FDFT1: variants seen among roughly 807,000 people sequenced by gnomAD.
FDFT1 encodes squalene synthase.
Under a neutral mutation model 46.8 loss-of-function variants are expected in FDFT1, and 68 were observed. That is an observed-to-expected ratio of 1.45 (90% confidence interval 1.19 to 1.78). FDFT1 has a LOEUF of 1.78. FDFT1 is among the 40% of genes most tolerant of loss of function. The probability of loss-of-function intolerance (pLI) is 0.00; values close to 1 mark genes in which losing one functional copy is unlikely to be tolerated. For missense variants in FDFT1, 928 were observed against 524.4 expected (o/e 1.77, Z -7.52); for synonymous variants, 351 against 185.1 (o/e 1.90, Z -7.28).
Position 11,808,814 on chromosome 8 carries a change from G to C in FDFT1, c.120G>C (p.Leu40=), listed in dbSNP as rs771269515. The change falls in exon 2 of 8, where the codon CTG becomes CTC. Residue 40 remains leucine (L), a synonymous_variant. Transcript: ENST00000220584. Reference sequence around the variant, plus strand: ...CGCAGGACTCGCTCAGCAGCAGCCTGAAAACTTGCTACAAGTATCTCAATC... The same window carrying C: ...CGCAGGACTCGCTCAGCAGCAGCCTCAAAACTTGCTACAAGTATCTCAATC... ...KMDQDSLSSS[L]KTCYKYLNQT... is the part of the protein sequence containing the mutation. 1 of 1,613,646 alleles carries C rather than the reference G, an allele frequency of 6.2e-7. No individual in the cohort carries two copies. The highest frequency in any genetic ancestry group is 1.3e-5 in the African/African-American group (1 of 74,934).
chr8:11,797,537 T>TAAAG (rs59718801), upstream of FDFT1, among the ~76,000 whole-genome samples: 146,730 of 151,376 alleles, frequency 0.97, 71,236 homozygotes, highest in Middle Eastern at 1. Context: ...AAAGAACAGA[T>TAAAG]AATCACAGCT....
intron 3 of FDFT1, among the ~76,000 whole-genome samples, chr8:11,811,768 A>G (rs1018590415): frequency 1.3e-5 from 2 of 152,240 alleles, no homozygotes; most frequent in Non-Finnish European, 2.9e-5. Flanking sequence ...GGCTGTTTTC[A>G]CTGTTGTTCA....
chr8:11,818,426 T>G (rs1350197219), intron 3 of FDFT1, among the ~76,000 whole-genome samples: 2 of 152,166 alleles, frequency 1.3e-5, no homozygotes, highest in African/African-American at 4.8e-5. Flanking sequence ...TGTTAACCTT[T>G]TGTCTTGTTG....
chr8:11,796,163 C>G (rs139562963), intron 1 of FDFT1, among the ~76,000 whole-genome samples: 1 of 152,206 alleles, frequency 6.6e-6, no homozygotes, highest in Admixed American at 6.5e-5. Flanking sequence ...CAATACAAGG[C>G]TAAACAAAAT....
chr8:11,820,572 A>G (rs187111576), intron 3 of FDFT1, among the ~76,000 whole-genome samples: 12 of 152,296 alleles, frequency 7.9e-5, no homozygotes, highest in Admixed American at 2.0e-4. Flanking sequence ...AGCCTCAGCA[A>G]TGGCGGGGAG....
intron 2 of FDFT1, 133 bp downstream of exon 2, chr8:11,809,024 G>A: frequency 7.2e-7 from 1 of 1,388,958 alleles, no homozygotes; most frequent in South Asian, 1.4e-5. Context: ...AACATAGCCC[G>A]GCCCTACGTG....
At chr8:11,812,392 C>G (rs975542265) in intron 3 of FDFT1, among the ~76,000 whole-genome samples, 1 of 152,144 alleles carries the variant, frequency 6.6e-6, no homozygotes, top group Non-Finnish European at 1.5e-5. Context: ...TGGATGGATC[C>G]TGGCACCGAG....
At chr8:11,832,626 G>C (rs1423389098) in intron 7 of FDFT1, among the ~76,000 whole-genome samples, 1 of 142,474 alleles carries the variant, frequency 7.0e-6, no homozygotes, top group African/African-American at 2.5e-5. Flanking sequence ...CTAGGCCCTA[G>C]AGCAGTGGTT....
At chr8:11,835,007 C>A (rs1399711381) in intron 7 of FDFT1, among the ~76,000 whole-genome samples, 1 of 152,112 alleles carries the variant, frequency 6.6e-6, no homozygotes, top group Non-Finnish European at 1.5e-5. Flanking sequence ...ACTTGTCATC[C>A]CAGCTATTCC....
chr8:11,818,620 C>T (rs1808794620), intron 3 of FDFT1, among the ~76,000 whole-genome samples: 1 of 151,794 alleles, frequency 6.6e-6, no homozygotes, highest in South Asian at 2.1e-4. Flanking sequence ...ATGTAGTGGC[C>T]TTCTTTGTCT....
chr8:11,837,617 C>T (rs567534713), intron 7 of FDFT1, among the ~76,000 whole-genome samples: 1 of 152,164 alleles, frequency 6.6e-6, no homozygotes, highest in East Asian at 1.9e-4. Flanking sequence ...CCATGGGTGG[C>T]CTTGCGCTAC....
intron 5 of FDFT1, among the ~76,000 whole-genome samples, chr8:11,827,135 G>A (rs1173392206): frequency 6.6e-6 from 1 of 152,242 alleles, no homozygotes; most frequent in South Asian, 2.1e-4. Flanking sequence ...TTTACCTTTT[G>A]CTTTCCATAA....
intron 3 of FDFT1, among the ~76,000 whole-genome samples, chr8:11,812,236 T>C (rs1563307734): frequency 6.6e-6 from 1 of 152,082 alleles, no homozygotes; most frequent in Non-Finnish European, 1.5e-5. Flanking sequence ...ACATCTGGAG[T>C]TCCTTGCCCC....
At chr8:11,819,602 G>C (rs1049070538) in intron 3 of FDFT1, among the ~76,000 whole-genome samples, 1 of 150,914 alleles carries the variant, frequency 6.6e-6, no homozygotes, top group Admixed American at 6.6e-5. Context: ...TTTGATCTTC[G>C]ATCACTGATA....
intron 3 of FDFT1, among the ~76,000 whole-genome samples, chr8:11,820,840 C>T (rs867074100): frequency 1.3e-5 from 2 of 152,234 alleles, no homozygotes; most frequent in South Asian, 2.1e-4. Flanking sequence ...AGGTGACGTC[C>T]TGCCCTGCTT....
Position 11,835,352 on chromosome 8 carries a change from G to A in FDFT1, c.1033-3036G>A, listed in dbSNP as rs548031776. 8.9e-4 allele frequency among the ~76,000 whole-genome samples: 136 copies of A among 152,314 alleles called. 1 individual carries two copies. The highest frequency in any genetic ancestry group is 2.7e-3 in the African/African-American group (111 of 41,564). On this transcript the variant is annotated intron_variant, in intron 7 of 7. Transcript: ENST00000220584. ...AGGTCCCTTTGGCCTTACCGGCTCTGTTTTAGGTAAGTCCACGTCTGAGTA... is the reference window on the plus strand; with the variant it reads ...AGGTCCCTTTGGCCTTACCGGCTCTATTTTAGGTAAGTCCACGTCTGAGTA...
At chr8:11,817,774 C>T (rs1199653049) in intron 3 of FDFT1, among the ~76,000 whole-genome samples, 1 of 151,308 alleles carries the variant, frequency 6.6e-6, no homozygotes. Flanking sequence ...TGCTAGCGGT[C>T]TATCAATTTT....
chr8:11,806,512 C>G (rs1187205401), intron 1 of FDFT1, among the ~76,000 whole-genome samples: 1 of 152,046 alleles, frequency 6.6e-6, no homozygotes, highest in African/African-American at 2.4e-5. Flanking sequence ...TGCTCTCTTT[C>G]AGAATGGAGG....
intron 4 of FDFT1, among the ~76,000 whole-genome samples, chr8:11,825,790 C>G (rs1335501691): frequency 2.0e-5 from 3 of 152,000 alleles, no homozygotes; most frequent in African/African-American, 4.8e-5. Context: ...TTGGAAAATA[C>G]AAGTGAAAAA....
Sources: gnomAD v4.1 joint callset for allele counts (sites outside exome capture counted in the v4.1 genomes callset) on GRCh38, gnomAD v4.1.1 for gene constraint, MANE v1.5 for transcripts, NCBI Gene and HGNC (gene_info 2026-07-23, HGNC 2026-07-21) for gene names.